The following GPR158 variants were observed in gnomAD, a reference collection of about 807,000 sequenced individuals.
The protein encoded by GPR158 is G protein-coupled receptor 158.
In GPR158, 30 loss-of-function variants were observed where a neutral mutation model predicts 78.2. The ratio of observed to expected loss-of-function variants is 0.38; its 90% confidence interval spans 0.29 to 0.52. The LOEUF is 0.52. GPR158 is among the 20% of genes least tolerant of loss of function. GPR158 has a pLI of 0.83. For missense variants in GPR158, 1,463 were observed against 1,523.5 expected (o/e 0.96, Z 0.66); for synonymous variants, 581 against 591.1 (o/e 0.98, Z 0.25).
chr10:25,356,914 G>C (rs71495437), intron 2 of GPR158, among the ~76,000 whole-genome samples: 15,136 of 152,032 alleles, frequency 0.1, 1,854 homozygotes, highest in African/African-American at 0.3. Flanking sequence ...AAGAAGACAG[G>C]AAAATGTGGG....
chr10:25,502,146 A>G (rs1835951817), intron 5 of GPR158, among the ~76,000 whole-genome samples: 1 of 152,180 alleles, frequency 6.6e-6, no homozygotes, highest in African/African-American at 2.4e-5. Context: ...GTTCCAAAGC[A>G]GGAATGCCTG....
At chr10:25,259,790 C>T (rs1036502072) in intron 2 of GPR158, among the ~76,000 whole-genome samples, 11 of 151,994 alleles carry the variant, frequency 7.2e-5, no homozygotes, top group Admixed American at 6.6e-4. Context: ...TCTTTAATGC[C>T]TTGCACATCA....
chr10:25,590,132 C>T (rs1198627924), intron 8 of GPR158, among the ~76,000 whole-genome samples: 2 of 152,134 alleles, frequency 1.3e-5, no homozygotes, highest in African/African-American at 4.8e-5. Context: ...TGCCTATCCT[C>T]TCTGACTTTA....
Position 25,225,591 on chromosome 10 carries a change from A to G in GPR158, c.1008+4434A>G, listed in dbSNP as rs971023242. 4.6e-5 allele frequency among the ~76,000 whole-genome samples: 7 copies of G among 152,144 alleles called. No individual in the cohort carries two copies. In the East Asian group the frequency reaches 1.3e-3, roughly 29 times the overall value. ...TAACAGCTTATGTTTCTTTTATTAAAAAGTTAAATGTAAACAGAAGTTCTA... is the reference window on the plus strand; with the variant it reads ...TAACAGCTTATGTTTCTTTTATTAAGAAGTTAAATGTAAACAGAAGTTCTA... On this transcript the variant is annotated intron_variant, in intron 2 of 10. Transcript: ENST00000376351.
chr10:25,464,670 T>TTAA (rs1835398870), intron 4 of GPR158, among the ~76,000 whole-genome samples: 1 of 152,238 alleles, frequency 6.6e-6, no homozygotes, highest in African/African-American at 2.4e-5. Context: ...AACTCCAAAG[T>TTAA]CTGTCTTCTT....
intron 2 of GPR158, among the ~76,000 whole-genome samples, chr10:25,341,456 C>T (rs1297634675): frequency 1.3e-5 from 2 of 151,204 alleles, no homozygotes; most frequent in African/African-American, 2.4e-5. Context: ...TGGGATACAT[C>T]TAAAATAATA....
chr10:25,581,568 CTG>C (rs1837199595), intron 7 of GPR158, among the ~76,000 whole-genome samples: 1 of 149,502 alleles, frequency 6.7e-6, no homozygotes, highest in Admixed American at 6.7e-5. Flanking sequence ...ATTCAAATAA[CTG>C]TGCCTCAAAG....
intron 1 of GPR158, among the ~76,000 whole-genome samples, chr10:25,186,917 CAA>C (rs930306632): frequency 3.0e-5 from 4 of 134,094 alleles, no homozygotes; most frequent in Non-Finnish European, 4.8e-5. Flanking sequence ...AGAGACACAA[CAA>C]AAAAAAGAGA....
At chr10:25,286,527 A>T (rs1210698394) in intron 2 of GPR158, among the ~76,000 whole-genome samples, 1 of 148,572 alleles carries the variant, frequency 6.7e-6, no homozygotes, top group Admixed American at 6.7e-5. Context: ...TATCAAAAAC[A>T]GTCTCTCTAA....
chr10:25,525,285 C>G (rs962691963), intron 5 of GPR158, among the ~76,000 whole-genome samples: 1 of 152,076 alleles, frequency 6.6e-6, no homozygotes, highest in African/African-American at 2.4e-5. Flanking sequence ...AGTATATAAC[C>G]AAGGGAAATG....
At chr10:25,491,522 G>A (rs1835808702) in intron 5 of GPR158, among the ~76,000 whole-genome samples, 1 of 152,096 alleles carries the variant, frequency 6.6e-6, no homozygotes, top group Non-Finnish European at 1.5e-5. Flanking sequence ...GTTGAATGTT[G>A]ACTAATAACT....
In GPR158 at chr10:25,353,211, T is replaced by C. The variant is rs372263592; in HGVS notation, c.1009-42700T>C. Among the ~76,000 whole-genome samples the C allele has an allele frequency of 1.8e-4, 28 of 152,196 alleles. No homozygotes were observed. The East Asian group carries it at 3.1e-3, about 17-fold the overall frequency. ...AAAATCCAATTTTTTATTTAATAGT[T>C]AATTTTTGTAGCACTTAAGCTTATT... On this transcript the variant is annotated intron_variant, in intron 2 of 10. Coordinates refer to ENST00000376351, the MANE Select transcript of GPR158 (RefSeq NM_020752.3).
At chr10:25,531,343 G>A (rs570090849) in intron 5 of GPR158, among the ~76,000 whole-genome samples, 182 of 152,180 alleles carry the variant, frequency 1.2e-3, no homozygotes, top group African/African-American at 4.2e-3. Context: ...TAAAAACCCC[G>A]CGTCCATGCT....
intron 2 of GPR158, among the ~76,000 whole-genome samples, chr10:25,339,944 G>A (rs1588809204): frequency 6.6e-6 from 1 of 152,028 alleles, no homozygotes; most frequent in East Asian, 1.9e-4. Context: ...ATGCCTTTGG[G>A]AAAAGTTCTT....
chr10:25,262,097 A>G (rs923925358), intron 2 of GPR158, among the ~76,000 whole-genome samples: 21 of 152,170 alleles, frequency 1.4e-4, no homozygotes, highest in Non-Finnish European at 2.1e-4. Context: ...GCAGAGATCT[A>G]GCTGCAATAT....
intron 2 of GPR158, among the ~76,000 whole-genome samples, chr10:25,318,047 G>A (rs1250746674): frequency 6.6e-6 from 1 of 152,070 alleles, no homozygotes; most frequent in African/African-American, 2.4e-5. Context: ...GATTGTTCTT[G>A]TACTTCCTTG....
At chr10:25,187,264 C>T (rs1852702167) in intron 1 of GPR158, among the ~76,000 whole-genome samples, 1 of 151,948 alleles carries the variant, frequency 6.6e-6, no homozygotes, top group Non-Finnish European at 1.5e-5. Flanking sequence ...CGCGTCCGGC[C>T]CTCCCTAACT....
chr10:25,496,155 C>G (rs1387803812), intron 5 of GPR158, among the ~76,000 whole-genome samples: 1 of 152,128 alleles, frequency 6.6e-6, no homozygotes, highest in Non-Finnish European at 1.5e-5. Context: ...ACACTTGTCC[C>G]CGCTCCCCCA....
intron 4 of GPR158, among the ~76,000 whole-genome samples, chr10:25,459,826 A>AACCC: frequency 6.6e-6 from 1 of 151,628 alleles, no homozygotes; most frequent in Non-Finnish European, 1.5e-5. Context: ...GTATAATATA[A>AACCC]TTTGACATAT....
Sources: gnomAD v4.1 joint callset for allele counts (sites outside exome capture counted in the v4.1 genomes callset) on GRCh38, gnomAD v4.1.1 for gene constraint, MANE v1.5 for transcripts, NCBI Gene and HGNC (gene_info 2026-07-23, HGNC 2026-07-21) for gene names.